TBC1D5: variants seen among roughly 807,000 people sequenced by gnomAD.
TBC1D5 encodes TBC1 domain family member 5.
TBC1D5 carries 75 observed loss-of-function variants against 100.3 expected under a neutral mutation model. The observed-to-expected ratio is 0.75, with a 90% CI of 0.62 to 0.91. TBC1D5 has a LOEUF of 0.91. Ranked by LOEUF, TBC1D5 falls within the 40% of genes least tolerant of loss-of-function variation. TBC1D5 has a pLI of 0.00. For missense variants in TBC1D5, 910 were observed against 942.4 expected (o/e 0.97, Z 0.45); for synonymous variants, 323 against 325.6 (o/e 0.99, Z 0.09).
intron 15 of TBC1D5, among the ~76,000 whole-genome samples, chr3:17,270,609 G>A (rs1462061557): frequency 6.6e-6 from 1 of 152,146 alleles, no homozygotes; most frequent in Non-Finnish European, 1.5e-5. Context: ...TTGCTGTGCA[G>A]AGCCCTTTAG....
chr3:17,164,596 C>A (rs563370356), intron 21 of TBC1D5, among the ~76,000 whole-genome samples: 16 of 152,320 alleles, frequency 1.1e-4, no homozygotes, highest in Non-Finnish European at 2.4e-4. Flanking sequence ...GGCGCATGTT[C>A]CTGGGGGTAG....
intron 4 of TBC1D5, among the ~76,000 whole-genome samples, chr3:17,422,826 T>C (rs961235769): frequency 2.0e-5 from 3 of 152,162 alleles, no homozygotes; most frequent in African/African-American, 7.2e-5. Flanking sequence ...AATTTATTGA[T>C]TATTGATTAT....
intron 2 of TBC1D5, among the ~76,000 whole-genome samples, chr3:17,560,971 A>G (rs1019445592): frequency 2.0e-5 from 3 of 152,108 alleles, no homozygotes; most frequent in Non-Finnish European, 4.4e-5. Flanking sequence ...ACAATACTAA[A>G]CTATAGTGTC....
At chr3:17,735,583 G>A (rs772709433) in intron 1 of TBC1D5, among the ~76,000 whole-genome samples, 12 of 152,152 alleles carry the variant, frequency 7.9e-5, no homozygotes, top group African/African-American at 1.7e-4. Context: ...TGGGCCTTAC[G>A]GTGAGTGTTA....
At chr3:17,217,588 T>A (rs775025455) in intron 17 of TBC1D5, among the ~76,000 whole-genome samples, 13 of 152,136 alleles carry the variant, frequency 8.5e-5, no homozygotes, top group Non-Finnish European at 1.8e-4. Context: ...AGATGGTATT[T>A]CATTGTGATT....
At chr3:17,599,644 G>A (rs73817307) in intron 2 of TBC1D5, among the ~76,000 whole-genome samples, 97 of 152,218 alleles carry the variant, frequency 6.4e-4, no homozygotes, top group African/African-American at 2.2e-3. Context: ...AGCCATCTAC[G>A]GATGGCAACT....
intron 15 of TBC1D5, among the ~76,000 whole-genome samples, chr3:17,260,687 A>C (rs1443656463): frequency 6.6e-6 from 1 of 152,234 alleles, no homozygotes; most frequent in Non-Finnish European, 1.5e-5. Flanking sequence ...AAATATACAG[A>C]CATATAGATG....
chr3:17,437,622 TAGAG>T lies in TBC1D5; in HGVS notation c.98-9107_98-9104del, dbSNP rs58492511. Among the ~76,000 whole-genome samples the T allele has an allele frequency of 2.3e-3, 269 of 115,420 alleles. 4 individuals carry two copies. The East Asian group carries it at 0.045, about 19-fold the overall frequency. 75.7% of individuals were successfully genotyped at this position (115,420 alleles called of 152,430 possible). On this transcript the variant is annotated intron_variant, in intron 3 of 21. Coordinates refer to ENST00000253692, the Ensembl canonical transcript of TBC1D5. Reference sequence around the variant, plus strand: ...GAGGGGAGAGAGACAGAGACAGAGGTAGAGAGAGAGAGAGAGAGAGAGGAAGGGA... The same window carrying T: ...GAGGGGAGAGAGACAGAGACAGAGGTAGAGAGAGAGAGAGAGAGGAAGGGA...
chr3:17,181,798 T>A (rs2068481462), intron 19 of TBC1D5, among the ~76,000 whole-genome samples: 1 of 152,344 alleles, frequency 6.6e-6, no homozygotes, highest in South Asian at 2.1e-4. Flanking sequence ...CAACCACTGT[T>A]AACAGTATTT....
intron 4 of TBC1D5, among the ~76,000 whole-genome samples, chr3:17,425,348 C>T (rs1232435445): frequency 6.6e-6 from 1 of 152,114 alleles, no homozygotes; most frequent in East Asian, 1.9e-4. Context: ...AAAAACAGAC[C>T]AGGTGAAGTG....
At chr3:17,245,533 A>T (rs528262613) in intron 16 of TBC1D5, among the ~76,000 whole-genome samples, 1 of 152,316 alleles carries the variant, frequency 6.6e-6, no homozygotes, top group African/African-American at 2.4e-5. Flanking sequence ...TTTCGTCTAT[A>T]TGATGAGCAG....
chr3:17,685,106 G>A (rs979956334), intron 1 of TBC1D5, among the ~76,000 whole-genome samples: 5 of 151,928 alleles, frequency 3.3e-5, no homozygotes, highest in African/African-American at 1.2e-4. Flanking sequence ...ACTCTAAAAT[G>A]AGTATGCACA....
chr3:17,571,444 T>G (rs1447721101), intron 2 of TBC1D5, among the ~76,000 whole-genome samples: 2 of 152,028 alleles, frequency 1.3e-5, no homozygotes, highest in African/African-American at 2.4e-5. Flanking sequence ...TCTCTACCCT[T>G]AAGTTCTCGT....
intron 8 of TBC1D5, among the ~76,000 whole-genome samples, chr3:17,384,246 A>G (rs921052): frequency 0.77 from 117,107 of 151,988 alleles, 46,113 homozygotes; most frequent in African/African-American, 0.94. Context: ...AAATTTTTTC[A>G]CATGCTTCAT....
intron 13 of TBC1D5, among the ~76,000 whole-genome samples, chr3:17,340,311 T>A (rs2088670016): frequency 6.6e-6 from 1 of 152,136 alleles, no homozygotes; most frequent in Non-Finnish European, 1.5e-5. Flanking sequence ...AAAAAAGTGG[T>A]CTATGTTCCT....
intron 18 of TBC1D5, among the ~76,000 whole-genome samples, chr3:17,185,706 A>AT (rs954647071): frequency 6.6e-6 from 1 of 151,834 alleles, no homozygotes; most frequent in Non-Finnish European, 1.5e-5. Flanking sequence ...TAAAAATAAA[A>AT]AAAAAATAAA....
chr3:17,599,515 C>T (rs1274857967), intron 2 of TBC1D5, among the ~76,000 whole-genome samples: 4 of 152,086 alleles, frequency 2.6e-5, no homozygotes, highest in Admixed American at 1.3e-4. Flanking sequence ...ATAAAATCTC[C>T]GCATCCTTCA....
chr3:17,542,384 T>C (rs540536887), intron 2 of TBC1D5, among the ~76,000 whole-genome samples: 1 of 152,282 alleles, frequency 6.6e-6, no homozygotes, highest in South Asian at 2.1e-4. Flanking sequence ...TCAAAAAAAA[T>C]TGTTTTAATG....
intron 3 of TBC1D5, among the ~76,000 whole-genome samples, chr3:17,480,003 G>T (rs769653224): frequency 6.6e-6 from 1 of 152,228 alleles, no homozygotes; most frequent in Admixed American, 6.5e-5. Context: ...CTGCAGCTTT[G>T]AAAGTGCCTG....
Sources: gnomAD v4.1 joint callset for allele counts (sites outside exome capture counted in the v4.1 genomes callset) on GRCh38, gnomAD v4.1.1 for gene constraint, MANE v1.5 for transcripts, NCBI Gene and HGNC (gene_info 2026-07-23, HGNC 2026-07-21) for gene names.